Variants in ATP2C1 observed in about 807,000 individuals in gnomAD.
The protein encoded by ATP2C1 is calcium-transporting ATPase type 2C member 1.
A neutral mutation model predicts 120.5 loss-of-function variants in ATP2C1; 31 were observed. The ratio of observed to expected loss-of-function variants is 0.26; its 90% confidence interval spans 0.19 to 0.35. The LOEUF is 0.35. Ranked by LOEUF, ATP2C1 falls within the 10% of genes least tolerant of loss-of-function variation. The pLI is 1.00. For synonymous variants in ATP2C1, 351 were observed against 358.7 expected, an observed-to-expected ratio of 0.98 and a Z score of 0.24; for missense variants, 731 against 1,107.5, an observed-to-expected ratio of 0.66 and a Z score of 4.83.
intron 20 of ATP2C1, among the ~76,000 whole-genome samples, chr3:130,982,524 C>T (rs2108795874): frequency 6.6e-6 from 1 of 152,300 alleles, no homozygotes; most frequent in Non-Finnish European, 1.5e-5. Flanking sequence ...CAGTTGCTGA[C>T]AGTTCAGATT....
chr3:130,938,388 G>A (rs574779372), intron 6 of ATP2C1, among the ~76,000 whole-genome samples: 4 of 152,302 alleles, frequency 2.6e-5, no homozygotes, highest in African/African-American at 9.6e-5. Flanking sequence ...CCTGAAGTTC[G>A]TGCTGTTTTG....
chr3:130,955,095 T>C lies in ATP2C1; in HGVS notation c.756+15T>C, dbSNP rs748430939. 6 of 1,531,528 alleles carry C rather than the reference T, an allele frequency of 3.9e-6. No individual in the cohort carries two copies. The highest frequency in any genetic ancestry group is 1.1e-5 in the South Asian group (1 of 89,302). The allele number at this position is 1,531,528 out of a possible 1,614,324, so 94.9% of individuals were successfully genotyped here. A position where few individuals can be genotyped will look rare whatever the true frequency, so the allele number is the denominator to read the frequency against. On this transcript the variant is annotated intron_variant, in intron 10 of 27. Transcript: ENST00000510168. ...AAGCAGAAGAGGTGAGTACTTAATA[T>C]GTTAATGATGTATTTGTTCCAAATC...
chr3:130,983,116 A>T (rs1464663365), intron 20 of ATP2C1, among the ~76,000 whole-genome samples: 1 of 152,126 alleles, frequency 6.6e-6, no homozygotes, highest in Non-Finnish European at 1.5e-5. Flanking sequence ...ATAGAGAGAG[A>T]GAGTTACATA....
chr3:130,962,206 AT>A (rs1206214677), intron 12 of ATP2C1, among the ~76,000 whole-genome samples: 1 of 152,068 alleles, frequency 6.6e-6, no homozygotes, highest in East Asian at 1.9e-4. Flanking sequence ...AAGGAAATAG[AT>A]TATGCAGAAG....
chr3:130,890,583 T>C (rs1266675925), upstream of ATP2C1, among the ~76,000 whole-genome samples: 1 of 152,244 alleles, frequency 6.6e-6, no homozygotes, highest in East Asian at 1.9e-4. Flanking sequence ...TTGTGAGTGA[T>C]AAAATATTTG....
chr3:130,861,527 A>G (rs1385778544), intron 1 of ATP2C1, among the ~76,000 whole-genome samples: 4 of 152,188 alleles, frequency 2.6e-5, no homozygotes, highest in African/African-American at 9.6e-5. Context: ...TGGGTTCTCA[A>G]TGGATTGGAT....
Position 130,913,612 on chromosome 3 carries a change from A to AT in ATP2C1, c.7-16797dup, listed in dbSNP as rs538651493. ...TTAAAATCTGCTGTATTTATTTAAG[A>AT]TTTTTTTGGTGTGTGTATGGGGGAA... On this transcript the variant is annotated intron_variant, in intron 2 of 27. Transcript: ENST00000510168. Among the ~76,000 whole-genome samples, 392 of 152,176 alleles carry AT rather than the reference A, an allele frequency of 2.6e-3. 4 individuals are homozygous for AT. Among genetic ancestry groups the AT allele is most frequent in the African/African-American group, 8.3e-3 (345 of 41,530 alleles).
chr3:130,876,371 A>T (rs2068604914), intron 1 of ATP2C1, among the ~76,000 whole-genome samples: 1 of 152,126 alleles, frequency 6.6e-6, no homozygotes, highest in Non-Finnish European at 1.5e-5. Context: ...AACACCATTT[A>T]TTGAAAAGGA....
At chr3:130,952,137 A>G (rs572178033) in intron 8 of ATP2C1, among the ~76,000 whole-genome samples, 2 of 152,258 alleles carry the variant, frequency 1.3e-5, no homozygotes, top group African/African-American at 4.8e-5. Context: ...TTCTTCTAAA[A>G]TGTGGCTCTA....
chr3:130,888,162 T>C (rs1284458409), intron 1 of ATP2C1, among the ~76,000 whole-genome samples: 1 of 152,188 alleles, frequency 6.6e-6, no homozygotes, highest in East Asian at 1.9e-4. Context: ...GCCTCATGAC[T>C]GCCCAGTGCC....
chr3:130,949,612 A>C (rs555128409), intron 8 of ATP2C1, among the ~76,000 whole-genome samples: 14 of 152,198 alleles, frequency 9.2e-5, no homozygotes, highest in African/African-American at 3.4e-4. Context: ...TTCAATGTAG[A>C]TGAAACAGCT....
intron 16 of ATP2C1, 59 bp downstream of exon 16, chr3:130,967,478 A>C: frequency 2.2e-6 from 3 of 1,387,684 alleles, no homozygotes; most frequent in Non-Finnish European, 3.1e-6. Flanking sequence ...AACAGAATGC[A>C]GTGTCATCAA....
At chr3:130,904,894 A>C (rs1001329058) in intron 2 of ATP2C1, among the ~76,000 whole-genome samples, 1 of 152,030 alleles carries the variant, frequency 6.6e-6, no homozygotes, top group African/African-American at 2.4e-5. Context: ...GGCTTTGTGG[A>C]TATTTTGCCT....
chr3:130,962,745 G>GA (rs1272425484), intron 12 of ATP2C1, among the ~76,000 whole-genome samples: 9 of 138,686 alleles, frequency 6.5e-5, no homozygotes, highest in East Asian at 2.1e-4. Context: ...AAAGAAAAAA[G>GA]AAAAAAAAGG....
Position 130,975,424 on chromosome 3 carries a change from TACTC to T in ATP2C1, c.1508_1511del (p.Thr503SerfsTer33), listed in dbSNP as rs1429963958. 1 of 1,613,896 alleles carries T rather than the reference TACTC, an allele frequency of 6.2e-7. No individual in the cohort carries two copies. The highest frequency in any genetic ancestry group is 1.3e-5 in the African/African-American group (1 of 75,026). On this transcript the variant is annotated frameshift_variant, in exon 18 of 28. Coordinates refer to ENST00000510168, the MANE Select transcript of ATP2C1 (RefSeq NM_001378687.1). LOFTEE classifies it high-confidence loss of function. ...AGAGCAAAGGGCAGACCTTGACACT[TACTC>T]AGCAGCAGAGAGATGTGTACCAACA...
At chr3:130,876,204 A>G (rs1490527829) in intron 1 of ATP2C1, among the ~76,000 whole-genome samples, 1 of 151,782 alleles carries the variant, frequency 6.6e-6, no homozygotes, top group Non-Finnish European at 1.5e-5. Flanking sequence ...TTTTTCCTAG[A>G]CCAATGTCCA....
At chr3:131,009,879 C>T (rs1368241460) in intron 26 of ATP2C1, among the ~76,000 whole-genome samples, 1 of 152,088 alleles carries the variant, frequency 6.6e-6, no homozygotes, top group African/African-American at 2.4e-5. Context: ...CCAAGTACCC[C>T]ACATCTGTCT....
At chr3:130,865,235 G>A (rs1002336277) in intron 1 of ATP2C1, among the ~76,000 whole-genome samples, 18 of 152,102 alleles carry the variant, frequency 1.2e-4, no homozygotes, top group African/African-American at 3.6e-4. Context: ...TATGGGCCTC[G>A]TAACCCCTTT....
In ATP2C1 at chr3:130,996,970, A is replaced by G. The variant is rs13061145; in HGVS notation, c.2243+174A>G. Among the ~76,000 whole-genome samples the G allele has an allele frequency of 0.17, 25,220 of 152,138 alleles. 2,247 individuals carry two copies. The highest frequency in any genetic ancestry group is 0.22 in the Middle Eastern group (65 of 294). On this transcript the variant is annotated intron_variant, in intron 24 of 27. Coordinates refer to ENST00000510168, the MANE Select transcript of ATP2C1 (RefSeq NM_001378687.1). ...TTTTATTAATTCTTTTTGAGTGTGC[A>G]TGCAGTGTAGATCTGAGCCTTTCCA...
Sources: gnomAD v4.1 joint callset for allele counts (sites outside exome capture counted in the v4.1 genomes callset) on GRCh38, gnomAD v4.1.1 for gene constraint, MANE v1.5 for transcripts, NCBI Gene and HGNC (gene_info 2026-07-23, HGNC 2026-07-21) for gene names.